BMAL1: variants seen among roughly 807,000 people sequenced by gnomAD.
The protein encoded by BMAL1 is basic helix-loop-helix ARNT like 1.
the BMAL1 span, among the ~76,000 whole-genome samples, chr11:13,323,506 T>G: frequency 0.66 from 85,327 of 128,550 alleles, 24,079 homozygotes; most frequent in Middle Eastern, 0.71. Context: ...CCCCATCATT[T>G]TTACCTGGCT....
At chr11:13,331,984 G>A in the BMAL1 span, among the ~76,000 whole-genome samples, 3 of 152,326 alleles carry the variant, frequency 2.0e-5, no homozygotes, top group South Asian at 6.2e-4. Flanking sequence ...AACTAAGGCT[G>A]TAGCGGCTAG....
the BMAL1 span, among the ~76,000 whole-genome samples, chr11:13,298,947 A>G: frequency 6.6e-6 from 1 of 152,194 alleles, no homozygotes; most frequent in Non-Finnish European, 1.5e-5. Flanking sequence ...CCTGTGGGGC[A>G]AAGACTGGCC....
the BMAL1 span, chr11:13,356,646 T>C: frequency 6.8e-7 from 1 of 1,467,230 alleles, no homozygotes; most frequent in East Asian, 2.3e-5. Context: ...GATTGTTTGG[T>C]TTCTGGATAA....
chr11:13,310,952 G>A, the BMAL1 span, among the ~76,000 whole-genome samples: 1 of 152,248 alleles, frequency 6.6e-6, no homozygotes, highest in Non-Finnish European at 1.5e-5. Flanking sequence ...GTGAACAGTA[G>A]TGAAAATGGA....
chr11:13,386,152 T>G, the BMAL1 span, among the ~76,000 whole-genome samples: 2 of 152,240 alleles, frequency 1.3e-5, no homozygotes, highest in African/African-American at 4.8e-5. Context: ...TGAAAAGAGT[T>G]TGCTTTTCCC....
the BMAL1 span, among the ~76,000 whole-genome samples, chr11:13,318,212 T>C: frequency 2.0e-5 from 3 of 152,216 alleles, no homozygotes; most frequent in Middle Eastern, 3.2e-3. Context: ...AGATACTGTG[T>C]ATCAGTTTAG....
the BMAL1 span, among the ~76,000 whole-genome samples, chr11:13,364,066 A>G: frequency 9.2e-5 from 14 of 152,158 alleles, no homozygotes; most frequent in African/African-American, 3.4e-4. Flanking sequence ...CTGTCCAGGT[A>G]CCTTTCAAGC....
chr11:13,284,158 A>G, the BMAL1 span, among the ~76,000 whole-genome samples: 920 of 40,952 alleles, frequency 0.022, 112 homozygotes, highest in African/African-American at 0.063. Flanking sequence ...ATATATATAT[A>G]TGTGTGTATA....
At chr11:13,365,320 C>CACACAA in the BMAL1 span, 1 of 481,414 alleles carries the variant, frequency 2.1e-6, no homozygotes, top group Non-Finnish European at 3.7e-6. Flanking sequence ...CACACACACA[C>CACACAA]AATCTTACAG....
chr11:13,307,105 G>T, the BMAL1 span, among the ~76,000 whole-genome samples: 1 of 152,330 alleles, frequency 6.6e-6, no homozygotes, highest in South Asian at 2.1e-4. Context: ...GCCCACCCCT[G>T]TTGGGGCAAC....
chr11:13,325,657 T>TTGTG, the BMAL1 span, among the ~76,000 whole-genome samples: 4,268 of 134,232 alleles, frequency 0.032, 136 homozygotes, highest in African/African-American at 0.075. Context: ...TTGAGACCTT[T>TTGTG]TGTGTGTGTG....
At chr11:13,361,740 A>G in the BMAL1 span, among the ~76,000 whole-genome samples, 2 of 152,264 alleles carry the variant, frequency 1.3e-5, no homozygotes, top group African/African-American at 4.8e-5. Context: ...CAGTGGTTCA[A>G]TGAGGTCAAT....
At chr11:13,363,277 T>C in the BMAL1 span, among the ~76,000 whole-genome samples, 1 of 152,012 alleles carries the variant, frequency 6.6e-6, no homozygotes, top group Admixed American at 6.5e-5. Context: ...GCTGCTTTTC[T>C]TAATAATTTT....
chr11:13,371,262 T>C, the BMAL1 span, among the ~76,000 whole-genome samples: 1 of 152,316 alleles, frequency 6.6e-6, no homozygotes, highest in South Asian at 2.1e-4. Context: ...CTTTTTTCTC[T>C]CTCTCTCTTC....
At chr11:13,335,549 C>A in the BMAL1 span, among the ~76,000 whole-genome samples, 1 of 152,180 alleles carries the variant, frequency 6.6e-6, no homozygotes, top group Non-Finnish European at 1.5e-5. Flanking sequence ...GCTTGGGGAA[C>A]AAAAGATTGC....
chr11:13,348,529 G>A, the BMAL1 span, among the ~76,000 whole-genome samples: 1 of 152,096 alleles, frequency 6.6e-6, no homozygotes, highest in Non-Finnish European at 1.5e-5. Flanking sequence ...GCTGTGGGGT[G>A]TGGGAGGAAG....
At chr11:13,310,826 G>A in the BMAL1 span, among the ~76,000 whole-genome samples, 1 of 152,240 alleles carries the variant, frequency 6.6e-6, no homozygotes, top group South Asian at 2.1e-4. Context: ...TTTGGATAAA[G>A]AAGTGAAGTG....
At chr11:13,359,594 C>T in the BMAL1 span, among the ~76,000 whole-genome samples, 3 of 152,176 alleles carry the variant, frequency 2.0e-5, no homozygotes, top group Non-Finnish European at 2.9e-5. Context: ...TGCAACACGT[C>T]CTGTCTCCTT....
chr11:13,335,469 T>C, the BMAL1 span, among the ~76,000 whole-genome samples: 3 of 152,156 alleles, frequency 2.0e-5, no homozygotes, highest in African/African-American at 7.2e-5. Flanking sequence ...GTGGGTGATC[T>C]GGATGTCACA....
Sources: allele counts gnomAD v4.1 joint callset (sites outside exome capture counted in the v4.1 genomes callset), GRCh38; gene constraint gnomAD v4.1.1; transcripts MANE v1.5; gene names NCBI Gene and HGNC (gene_info 2026-07-23, HGNC 2026-07-21).